LANCL3: variants seen among roughly 807,000 people sequenced by gnomAD.
LANCL3 encodes the protein lanC-like protein 3.
Under a neutral mutation model 26.5 loss-of-function variants are expected in LANCL3, and 19 were observed. That is an observed-to-expected ratio of 0.72 (90% CI 0.50 to 1.05). LANCL3 has a LOEUF of 1.05. LANCL3 is among the 50% of genes least tolerant of loss of function. LANCL3 has a pLI of 0.00. For missense variants in LANCL3, 318 were observed against 362.7 expected, an observed-to-expected ratio of 0.88 and a Z score of 1.00; for synonymous variants, 160 against 166.6, an observed-to-expected ratio of 0.96 and a Z score of 0.30.
At chrX:37,640,295 T>A in intron 1 of LANCL3, among the ~76,000 whole-genome samples, 1 of 111,373 alleles carries the variant, frequency 9.0e-6, no homozygotes, top group Admixed American at 9.6e-5. Flanking sequence ...GAAGGGGAAG[T>A]AGGCACTTAT....
Position 37,626,904 on chromosome X carries a change from G to A in LANCL3, c.574-28784G>A, listed in dbSNP as rs143545309. On this transcript the variant is annotated intron_variant, in intron 1 of 4. Transcript: ENST00000378619. ...CAGCTTCTTGTTCCCTGTGAGTAACGCCCTTGTTACTTCAATTCTAACCTT... is the reference window on the plus strand; with the variant it reads ...CAGCTTCTTGTTCCCTGTGAGTAACACCCTTGTTACTTCAATTCTAACCTT... Among the ~76,000 whole-genome samples the A allele has an allele frequency of 1.6e-3, 180 of 111,820 alleles. 1 individual carries two copies. In the East Asian group the frequency reaches 0.035, roughly 22 times the overall value.
At chrX:37,633,056 C>A (rs1438654686) in intron 1 of LANCL3, among the ~76,000 whole-genome samples, 1 of 111,552 alleles carries the variant, frequency 9.0e-6, no homozygotes, top group Non-Finnish European at 1.9e-5. Context: ...TGTTTTCCAA[C>A]TTGGTTCCAT....
chrX:37,572,932 G>T (rs1923646171), intron 1 of LANCL3, among the ~76,000 whole-genome samples: 1 of 111,953 alleles, frequency 8.9e-6, no homozygotes, highest in Admixed American at 9.4e-5. Context: ...GGTCTGATGT[G>T]TTTACTGTTT....
chrX:37,626,075 C>T (rs1925307226), intron 1 of LANCL3, among the ~76,000 whole-genome samples: 1 of 112,221 alleles, frequency 8.9e-6, no homozygotes, highest in African/African-American at 3.2e-5. Context: ...AGTACAGTTA[C>T]ATGGCAAAGA....
Position 37,596,163 on chromosome X carries a change from A to T in LANCL3, c.573+23720A>T, listed in dbSNP as rs782686995. On this transcript the variant is annotated intron_variant, in intron 1 of 4. Transcript: ENST00000378619. ...CCTCGTAATTTTTCTGAAGCATACT[A>T]TGACTTAATATAATATTTCTCCATC... 1.0e-3 allele frequency among the ~76,000 whole-genome samples: 114 copies of T among 112,089 alleles called. 1 individual carries two copies. The highest frequency in any genetic ancestry group is 1.9e-3 in the Non-Finnish European group (99 of 53,146).
intron 1 of LANCL3, among the ~76,000 whole-genome samples, chrX:37,599,514 A>C (rs1924526013): frequency 8.9e-6 from 1 of 112,290 alleles, no homozygotes; most frequent in Non-Finnish European, 1.9e-5. Context: ...CTAGACCACT[A>C]TAATGCTGGC....
intron 1 of LANCL3, among the ~76,000 whole-genome samples, chrX:37,624,421 C>T (rs1440093362): frequency 1.8e-5 from 2 of 111,775 alleles, no homozygotes; most frequent in Non-Finnish European, 3.8e-5. Context: ...CTTTTTCTAA[C>T]TACTTTGTAA....
At chrX:37,624,070 C>G (rs1451403100) in intron 1 of LANCL3, among the ~76,000 whole-genome samples, 2 of 111,600 alleles carry the variant, frequency 1.8e-5, no homozygotes, top group Non-Finnish European at 3.8e-5. Flanking sequence ...TATAACACTG[C>G]AGTGAGTTAT....
intron 1 of LANCL3, among the ~76,000 whole-genome samples, chrX:37,639,925 G>A (rs113991040): frequency 0.051 from 5,662 of 111,546 alleles, 153 homozygotes; most frequent in Middle Eastern, 0.084. Flanking sequence ...CAATTTTGGC[G>A]ATTGCCTTCA....
intron 3 of LANCL3, among the ~76,000 whole-genome samples, chrX:37,662,125 G>A (rs903867712): frequency 4.5e-5 from 5 of 111,924 alleles, no homozygotes; most frequent in Non-Finnish European, 9.4e-5. Context: ...ATTCCTGAGG[G>A]CTGTTCCTCA....
chrX:37,672,434 A>G (rs1213029659), intron 4 of LANCL3, among the ~76,000 whole-genome samples: 1 of 112,237 alleles, frequency 8.9e-6, no homozygotes, highest in Admixed American at 9.4e-5. Context: ...ATTCCAGTGA[A>G]CAGTTTGCAA....
chrX:37,601,543 A>T (rs782271681), intron 1 of LANCL3, among the ~76,000 whole-genome samples: 4 of 112,392 alleles, frequency 3.6e-5, no homozygotes, highest in Non-Finnish European at 7.5e-5. Flanking sequence ...GATAGAAAAT[A>T]TGACTTACAG....
At chrX:37,639,948 T>C (rs1320152636) in intron 1 of LANCL3, among the ~76,000 whole-genome samples, 1 of 112,081 alleles carries the variant, frequency 8.9e-6, no homozygotes, top group African/African-American at 3.2e-5. Flanking sequence ...TGAATTCACA[T>C]TGGAGACTAT....
intron 1 of LANCL3, among the ~76,000 whole-genome samples, chrX:37,602,114 A>G (rs11796094): frequency 5.4e-5 from 6 of 111,694 alleles, no homozygotes; most frequent in African/African-American, 2.0e-4. Flanking sequence ...AAGGTCAAAC[A>G]GTATTTTGAC....
At chrX:37,583,449 G>A (rs1257154791) in intron 1 of LANCL3, among the ~76,000 whole-genome samples, 8 of 111,940 alleles carry the variant, frequency 7.1e-5, no homozygotes, top group East Asian at 5.6e-4. Flanking sequence ...CTATCCATGA[G>A]CATGGAATGT....
intron 1 of LANCL3, among the ~76,000 whole-genome samples, chrX:37,594,341 T>C (rs143938925): frequency 0.018 from 2,003 of 112,147 alleles, 38 homozygotes; most frequent in African/African-American, 0.062. Flanking sequence ...TCTCCTCAAG[T>C]TGGATATTAT....
At chrX:37,591,118 T>C (rs1234007469) in intron 1 of LANCL3, among the ~76,000 whole-genome samples, 1 of 111,992 alleles carries the variant, frequency 8.9e-6, no homozygotes, top group Non-Finnish European at 1.9e-5. Flanking sequence ...ATTTTACAGG[T>C]GAGACAATTG....
At chrX:37,587,142 A>C (rs1222855375) in intron 1 of LANCL3, among the ~76,000 whole-genome samples, 1 of 112,296 alleles carries the variant, frequency 8.9e-6, no homozygotes, top group Non-Finnish European at 1.9e-5. Context: ...TTGCTGCCTG[A>C]TTGTTCCTCT....
chrX:37,664,683 C>T (rs1264732694), intron 3 of LANCL3, among the ~76,000 whole-genome samples: 13 of 111,024 alleles, frequency 1.2e-4, no homozygotes, highest in African/African-American at 3.9e-4. Context: ...AGCATAGTAC[C>T]GAATAGGTAG....
Sources: gnomAD v4.1 joint callset for allele counts (sites outside exome capture counted in the v4.1 genomes callset) on GRCh38, gnomAD v4.1.1 for gene constraint, MANE v1.5 for transcripts, NCBI Gene and HGNC (gene_info 2026-07-23, HGNC 2026-07-21) for gene names.